The following CTNNAL1 variants were observed in gnomAD, a reference collection of about 807,000 sequenced individuals.
CTNNAL1 encodes the protein alpha-catulin.
Under a neutral mutation model 93.6 loss-of-function variants are expected in CTNNAL1, and 69 were observed. That is an observed-to-expected ratio of 0.74 (90% CI 0.61 to 0.90). The LOEUF is 0.90. CTNNAL1 is among the 40% of genes least tolerant of loss of function. The pLI is 0.00. For synonymous variants in CTNNAL1, 286 were observed against 305.4 expected (o/e 0.94, Z 0.66); for missense variants, 836 against 862.0 (o/e 0.97, Z 0.38).
intron 14 of CTNNAL1, chr9:108,950,744 T>G: frequency 9.9e-7 from 1 of 1,006,138 alleles, no homozygotes; most frequent in Non-Finnish European, 1.4e-6. Context: ...CATTAACCCT[T>G]TCTTTTCTCC....
intron 8 of CTNNAL1, among the ~76,000 whole-genome samples, chr9:108,976,021 T>C (rs975575841): frequency 6.6e-6 from 1 of 152,200 alleles, no homozygotes; most frequent in Non-Finnish European, 1.5e-5. Context: ...ATAGAATTGA[T>C]ATAAAACAAA....
chr9:108,975,155 T>A (rs1831230682), intron 8 of CTNNAL1, among the ~76,000 whole-genome samples: 1 of 151,940 alleles, frequency 6.6e-6, no homozygotes, highest in Non-Finnish European at 1.5e-5. Flanking sequence ...AGAGTGAGAC[T>A]CTATCTCAAA....
At chr9:108,984,889 T>C (rs2132158659) in intron 4 of CTNNAL1, among the ~76,000 whole-genome samples, 1 of 152,372 alleles carries the variant, frequency 6.6e-6, no homozygotes, top group Non-Finnish European at 1.5e-5. Flanking sequence ...ATTAATCCCA[T>C]CTAACTGCTA....
chr9:108,968,526 T>C (rs1040264804), intron 10 of CTNNAL1, among the ~76,000 whole-genome samples: 1 of 152,262 alleles, frequency 6.6e-6, no homozygotes, highest in Non-Finnish European at 1.5e-5. Flanking sequence ...CCTCCAGTTC[T>C]ATTGGAATAC....
At chr9:108,992,205 C>T (rs1339168120) in intron 3 of CTNNAL1, 3 of 572,414 alleles carry the variant, frequency 5.2e-6, no homozygotes, top group Admixed American at 3.3e-5. Flanking sequence ...TAAGCCTTAA[C>T]AAGTGGATAA....
intron 8 of CTNNAL1, among the ~76,000 whole-genome samples, chr9:108,974,052 A>T (rs1401894432): frequency 6.6e-6 from 1 of 152,248 alleles, no homozygotes; most frequent in Non-Finnish European, 1.5e-5. Flanking sequence ...ACAGCTCCAC[A>T]GAGACTGTGT....
At chr9:108,978,932 G>A (rs555598528) in intron 7 of CTNNAL1, among the ~76,000 whole-genome samples, 1 of 152,302 alleles carries the variant, frequency 6.6e-6, no homozygotes, top group South Asian at 2.1e-4. Flanking sequence ...CTAGGAGGGG[G>A]TCTACTCCTC....
At chr9:108,964,775 A>T (rs113793916) in intron 11 of CTNNAL1, among the ~76,000 whole-genome samples, 101 of 152,314 alleles carry the variant, frequency 6.6e-4, no homozygotes, top group African/African-American at 2.2e-3. Flanking sequence ...GAAGAAATTT[A>T]AAAATGACTA....
rs1831357343 is a variant in CTNNAL1 at position 108,979,355 on chromosome 9, T to C, written c.1027A>G (p.Arg343Gly). ...GTTGACAGTTCCAAGATGCGTTCTC[T>C]GTGCTCATGGCTGGTGTAGGCAGAA... Reference protein sequence around the residue: ...TDSAYTSHEHRERILELSTQA... With the variant: ...TDSAYTSHEHGERILELSTQA... Residue 343 changes from arginine (R) to glycine (G), a missense_variant, in exon 7 of 19, where the codon AGA becomes GGA. Physicochemically the swap from Arg to Gly is moderately radical, Grantham distance 125. Transcript: ENST00000325551. The C allele has an allele frequency of 1.1e-5, 18 of 1,614,188 alleles. No homozygotes were observed. The highest frequency in any genetic ancestry group is 1.4e-5 in the Non-Finnish European group (16 of 1,180,026).
chr9:108,943,067 A>G (rs1830292023), intron 17 of CTNNAL1, 23 bp from the exon 18 acceptor site: 4 of 1,584,180 alleles, frequency 2.5e-6, no homozygotes, highest in African/African-American at 2.7e-5. Flanking sequence ...AAAGCATGCA[A>G]ATGATATTCT....
At position 108,983,211 on chromosome 9, in the gene CTNNAL1, G is replaced by A; in HGVS notation, c.834C>T (p.Asp278=). The change falls in exon 6 of 19, where the codon GAC becomes GAT. Residue 278 remains aspartate, a synonymous_variant. Coordinates refer to ENST00000325551, the MANE Select transcript of CTNNAL1 (RefSeq NM_003798.4). ...TGTCAGTCTCTCCATTCGGTTTACA[G>A]TCAGTCACAATTTCAATGACCTTAT... ...ALDKVIEIVT[D]CKPNGETDIS... is the part of the protein sequence containing the mutation. The A allele has an allele frequency of 6.3e-7, 1 of 1,592,178 alleles. No individual in the cohort carries two copies. Among genetic ancestry groups the A allele is most frequent in the East Asian group, 2.3e-5 (1 of 43,368 alleles).
At chr9:108,955,764 G>A (rs769866680) in intron 12 of CTNNAL1, 26 bp downstream of exon 12, 1 of 1,581,504 alleles carries the variant, frequency 6.3e-7, no homozygotes, top group South Asian at 1.1e-5. Flanking sequence ...AAAACATTCT[G>A]CAATGTACAT....
At chr9:108,955,040 G>A (rs1056265618) in intron 12 of CTNNAL1, among the ~76,000 whole-genome samples, 12 of 151,272 alleles carry the variant, frequency 7.9e-5, no homozygotes, top group Admixed American at 4.6e-4. Flanking sequence ...TTGGCTCACT[G>A]CAACCTCCAT....
In CTNNAL1 at chr9:108,984,373, T is replaced by C. The variant is rs746693086; in HGVS notation, c.703A>G (p.Thr235Ala). Reference sequence around the variant, plus strand: ...TTTGAAGCTGTGAGAAGCATCATTGTACACTTTTCAAGAACTGCCCTAGCT... The same window carrying C: ...TTTGAAGCTGTGAGAAGCATCATTGCACACTTTTCAAGAACTGCCCTAGCT... ...AAARAVLEKCTMMLLTASKTC... is the reference protein window; with the variant it reads ...AAARAVLEKCAMMLLTASKTC... The change falls in exon 5 of 19, where the codon ACA (threonine) becomes GCA (alanine). Residue 235 changes from threonine (T) to alanine (A), a missense_variant. Coordinates refer to ENST00000325551, the MANE Select transcript of CTNNAL1 (RefSeq NM_003798.4). 2 of 1,611,094 alleles carry C rather than the reference T, an allele frequency of 1.2e-6. No homozygotes were observed. Among genetic ancestry groups the C allele is most frequent in the East Asian group, 4.5e-5 (2 of 44,856 alleles).
rs562150168 is a variant in CTNNAL1, at chr9:108,997,128, C to T, written c.331+1939G>A. Among the ~76,000 whole-genome samples the T allele has an allele frequency of 2.6e-5, 4 of 152,238 alleles. No homozygotes were observed. The South Asian group carries it at 8.3e-4, about 32-fold the overall frequency. Reference sequence around the variant, plus strand: ...AATTATGAATAGAATAAGGATATCCCCCCCTGCTTCCCACATAAAACCTAT... The same window carrying T: ...AATTATGAATAGAATAAGGATATCCTCCCCTGCTTCCCACATAAAACCTAT... On this transcript the variant is annotated intron_variant, in intron 2 of 18. Transcript: ENST00000325551.
intron 8 of CTNNAL1, among the ~76,000 whole-genome samples, chr9:108,975,493 A>G (rs1389171494): frequency 3.3e-5 from 5 of 152,112 alleles, no homozygotes; most frequent in Non-Finnish European, 7.4e-5. Context: ...TTCTCTCTCT[A>G]TGCCACAACC....
intron 1 of CTNNAL1, among the ~76,000 whole-genome samples, chr9:109,012,757 G>C (rs1465027257): frequency 6.6e-6 from 1 of 152,182 alleles, no homozygotes; most frequent in African/African-American, 2.4e-5. Flanking sequence ...TGAATGGGAG[G>C]CCAGCGAACT....
chr9:108,995,074 T>C (rs1348238554), intron 2 of CTNNAL1, among the ~76,000 whole-genome samples: 2 of 152,214 alleles, frequency 1.3e-5, no homozygotes, highest in Non-Finnish European at 2.9e-5. Context: ...CACTCCCTGA[T>C]TGGTGCCCTC....
intron 2 of CTNNAL1, among the ~76,000 whole-genome samples, chr9:108,993,536 A>G (rs1243726048): frequency 6.6e-6 from 1 of 152,240 alleles, no homozygotes; most frequent in African/African-American, 2.4e-5. Context: ...GATGCCCAGC[A>G]TAAACCATTC....
Sources: allele counts gnomAD v4.1 joint callset (sites outside exome capture counted in the v4.1 genomes callset), GRCh38; gene constraint gnomAD v4.1.1; transcripts MANE v1.5; gene names NCBI Gene and HGNC (gene_info 2026-07-23, HGNC 2026-07-21).